ROBO1: variants seen among roughly 807,000 people sequenced by gnomAD.
The protein encoded by ROBO1 is roundabout guidance receptor 1.
In ROBO1, 149 loss-of-function variants were observed where a neutral mutation model predicts 195.9. The observed-to-expected ratio is 0.76, with a 90% CI of 0.67 to 0.87. The LOEUF (loss-of-function observed/expected upper bound fraction) is 0.87. Ranked by LOEUF, ROBO1 falls within the 40% of genes least tolerant of loss-of-function variation. The probability of loss-of-function intolerance (pLI) is 0.00; values close to 1 mark genes in which losing one functional copy is unlikely to be tolerated. For missense variants in ROBO1, 1,933 were observed against 2,068.3 expected, an observed-to-expected ratio of 0.93 and a Z score of 1.27; for synonymous variants, 816 against 733.2, an observed-to-expected ratio of 1.11 and a Z score of -1.82.
chr3:79,668,784 T>C (rs775467672), intron 1 of ROBO1, among the ~76,000 whole-genome samples: 3 of 151,986 alleles, frequency 2.0e-5, no homozygotes, highest in Non-Finnish European at 2.9e-5. Context: ...TTTTGAGTTT[T>C]ATAATTTGAA....
chr3:79,513,362 T>C lies in ROBO1; in HGVS notation c.88+76462A>G, dbSNP rs142735079. ...TTAATATATTTTTAAGGAGAAAAAA[T>C]AATATGCTCAACCATATTTTTAAAA... On this transcript the variant is annotated intron_variant, in intron 2 of 30. Coordinates refer to ENST00000464233, the MANE Select transcript of ROBO1 (RefSeq NM_002941.4). Among the ~76,000 whole-genome samples, 693 of 152,054 alleles carry C rather than the reference T, an allele frequency of 4.6e-3. 5 individuals are homozygous for C. Among genetic ancestry groups the C allele is most frequent in the Admixed American group, 6.2e-3 (95 of 15,264 alleles).
At chr3:79,066,664 G>C (rs1023206253) in intron 3 of ROBO1, among the ~76,000 whole-genome samples, 1 of 151,792 alleles carries the variant, frequency 6.6e-6, no homozygotes, top group African/African-American at 2.4e-5. Context: ...GGAGGTTCCC[G>C]CTTACCATTC....
intron 3 of ROBO1, among the ~76,000 whole-genome samples, chr3:79,083,282 T>A (rs920878447): frequency 6.6e-6 from 1 of 152,142 alleles, no homozygotes; most frequent in Admixed American, 6.6e-5. Flanking sequence ...GGGTTTCAGA[T>A]ATCTAGCTCT....
At chr3:79,160,234 ATGTGTGTGTG>A (rs142663481) in intron 2 of ROBO1, among the ~76,000 whole-genome samples, 4 of 148,292 alleles carry the variant, frequency 2.7e-5, no homozygotes, top group Non-Finnish European at 6.0e-5. Context: ...CTTTAAAAAA[ATGTGTGTGTG>A]TGTGTGTGTG....
At chr3:78,636,201 T>G in intron 22 of ROBO1, 93 bp from the exon 23 acceptor site, 1 of 916,702 alleles carries the variant, frequency 1.1e-6, no homozygotes, top group Non-Finnish European at 1.6e-6. Context: ...CATCAGAAAA[T>G]CGTTATGTAA....
At chr3:78,982,414 A>G (rs920292783) in intron 3 of ROBO1, among the ~76,000 whole-genome samples, 7 of 151,984 alleles carry the variant, frequency 4.6e-5, no homozygotes, top group Non-Finnish European at 8.8e-5. Context: ...TGTTCCCTTC[A>G]CTCCTACAGT....
intron 1 of ROBO1, among the ~76,000 whole-genome samples, chr3:79,661,311 T>C (rs533213858): frequency 6.6e-6 from 1 of 152,200 alleles, no homozygotes; most frequent in Admixed American, 6.6e-5. Flanking sequence ...TCCCCAGGTG[T>C]TCAAAAATAC....
At chr3:79,386,367 G>C (rs914550616) in intron 2 of ROBO1, among the ~76,000 whole-genome samples, 6 of 152,036 alleles carry the variant, frequency 3.9e-5, no homozygotes, top group African/African-American at 1.4e-4. Context: ...AAAATGTATA[G>C]ATATTCTAAT....
intron 2 of ROBO1, among the ~76,000 whole-genome samples, chr3:79,171,104 CAAT>C (rs2081156963): frequency 6.7e-6 from 1 of 149,714 alleles, no homozygotes; most frequent in Non-Finnish European, 1.5e-5. Context: ...ATTTCATTCA[CAAT>C]AATGAATTTA....
intron 1 of ROBO1, among the ~76,000 whole-genome samples, chr3:79,743,184 T>G (rs1379225308): frequency 1.3e-5 from 2 of 152,218 alleles, no homozygotes; most frequent in Non-Finnish European, 2.9e-5. Context: ...TAGAGTGTAC[T>G]TACACAAACC....
At chr3:78,921,555 G>A (rs180989030) in intron 4 of ROBO1, among the ~76,000 whole-genome samples, 9 of 152,228 alleles carry the variant, frequency 5.9e-5, no homozygotes, top group Admixed American at 1.3e-4. Flanking sequence ...GAAATAATAC[G>A]ATTTTGTTCG....
chr3:78,884,709 A>G (rs552835543), intron 4 of ROBO1, among the ~76,000 whole-genome samples: 1 of 148,866 alleles, frequency 6.7e-6, no homozygotes, highest in African/African-American at 2.5e-5. Context: ...GGAAGGAAAG[A>G]AAGAAGGAAA....
intron 2 of ROBO1, among the ~76,000 whole-genome samples, chr3:79,190,736 A>T (rs2108754723): frequency 6.6e-6 from 1 of 151,826 alleles, no homozygotes; most frequent in South Asian, 2.1e-4. Context: ...CATAAAAATT[A>T]AAACTTATCA....
At chr3:79,039,566 G>A (rs1206203875) in intron 3 of ROBO1, among the ~76,000 whole-genome samples, 3 of 152,026 alleles carry the variant, frequency 2.0e-5, no homozygotes, top group Admixed American at 2.0e-4. Context: ...GGGAGGCCGA[G>A]GTGGGCAGAT....
chr3:79,519,504 C>CA (rs1294238077), intron 2 of ROBO1, among the ~76,000 whole-genome samples: 5 of 151,394 alleles, frequency 3.3e-5, no homozygotes, highest in Admixed American at 3.3e-4. Flanking sequence ...TGGCGGGCGC[C>CA]TGTAGTCTCA....
intron 4 of ROBO1, among the ~76,000 whole-genome samples, chr3:78,799,748 T>C (rs1425281188): frequency 6.6e-6 from 1 of 152,174 alleles, no homozygotes; most frequent in East Asian, 1.9e-4. Flanking sequence ...GCGTCTATGA[T>C]TGGATTATCA....
At chr3:78,878,736 CA>C (rs35426367) in intron 4 of ROBO1, among the ~76,000 whole-genome samples, 57,582 of 151,552 alleles carry the variant, frequency 0.38, 11,162 homozygotes, top group South Asian at 0.49. Flanking sequence ...GTATGTGAAG[CA>C]ACTTATCTAT....
intron 2 of ROBO1, among the ~76,000 whole-genome samples, chr3:79,562,231 C>T (rs376998064): frequency 1.3e-5 from 2 of 151,594 alleles, no homozygotes; most frequent in Non-Finnish European, 2.9e-5. Flanking sequence ...ATACAACTTA[C>T]TTTTTCCTAA....
chr3:79,522,796 T>A (rs1195499799), intron 2 of ROBO1, among the ~76,000 whole-genome samples: 2 of 152,152 alleles, frequency 1.3e-5, no homozygotes, highest in Non-Finnish European at 2.9e-5. Context: ...TATATTAAAT[T>A]CAGAAAAAAC....
Sources: gnomAD v4.1 joint callset for allele counts (sites outside exome capture counted in the v4.1 genomes callset) on GRCh38, gnomAD v4.1.1 for gene constraint, MANE v1.5 for transcripts, NCBI Gene and HGNC (gene_info 2026-07-23, HGNC 2026-07-21) for gene names.